PPP1R3A: variants seen among roughly 807,000 people sequenced by gnomAD.
PPP1R3A encodes the protein RG1.
A neutral mutation model predicts 41.7 loss-of-function variants in PPP1R3A; 29 were observed. The ratio of observed to expected loss-of-function variants is 0.70; its 90% CI spans 0.52 to 0.95. The LOEUF (loss-of-function observed/expected upper bound fraction) is 0.95, where lower values mean the gene tolerates loss of function less well. Among genes scored for constraint, PPP1R3A ranks in the 40% least tolerant of loss-of-function variants. The pLI, the probability that PPP1R3A is intolerant of heterozygous loss-of-function variation, is 0.00. For synonymous variants in PPP1R3A, 485 were observed against 453.4 expected (o/e 1.07, Z -0.89); for missense variants, 1,352 against 1,292.4 (o/e 1.05, Z -0.71).
chr7:113,880,084 T>C lies in PPP1R3A; in HGVS notation c.1008A>G (p.Arg336=), dbSNP rs1272301375. ...HLIRTRSTAS[R]DERNTFSTDP... ...CTGTTGAAAATGTATTCCTTTCATC[T>C]CTGGAAGCAGTACTTCTGGTTCTTA... The change falls in exon 4 of 4, where the codon AGA becomes AGG. Residue 336 remains arginine, a synonymous_variant. Coordinates refer to ENST00000284601, the MANE Select transcript of PPP1R3A (RefSeq NM_002711.4). 1 of 1,607,514 alleles carries C rather than the reference T, an allele frequency of 6.2e-7. No individual in the cohort carries two copies. The highest frequency in any genetic ancestry group is 8.5e-7 in the Non-Finnish European group (1 of 1,174,646).
At chr7:113,904,687 G>GAA (rs10708700) in intron 1 of PPP1R3A, among the ~76,000 whole-genome samples, 3 of 150,132 alleles carry the variant, frequency 2.0e-5, no homozygotes, top group African/African-American at 4.9e-5. Flanking sequence ...GAAATACAAA[G>GAA]AAAAAAAAAT....
In PPP1R3A at chr7:113,879,017, G is replaced by A. The variant is rs755389956; in HGVS notation, c.2075C>T (p.Thr692Met). 3 of 1,613,406 alleles carry A rather than the reference G, an allele frequency of 1.9e-6. No individual in the cohort carries two copies. Among genetic ancestry groups the A allele is most frequent in the South Asian group, 2.2e-5 (2 of 91,064 alleles). Residue 692 changes from threonine to methionine, a missense_variant, in exon 4 of 4, where the codon ACG becomes ATG. By Grantham distance (81) the Thr-to-Met change is moderately conservative. Coordinates refer to ENST00000284601, the MANE Select transcript of PPP1R3A (RefSeq NM_002711.4). Reference protein sequence around the residue: ...CEDVWGKRDNTRSLKATTEEL... With the variant: ...CEDVWGKRDNMRSLKATTEEL... Reference sequence around the variant, plus strand: ...TTCTGTAGTAGCTTTCAAACTCCTCGTATTATCTCTTTTTCCCCACACGTC... The same window carrying A: ...TTCTGTAGTAGCTTTCAAACTCCTCATATTATCTCTTTTTCCCCACACGTC...
chr7:113,879,333 T>A lies in PPP1R3A; in HGVS notation c.1759A>T (p.Thr587Ser). Residue 587 changes from threonine (T) to serine (S), a missense_variant, in exon 4 of 4, where the codon ACA (threonine) becomes TCA (serine). Coordinates refer to ENST00000284601, the MANE Select transcript of PPP1R3A (RefSeq NM_002711.4). The stretch of plus-strand genomic sequence containing the variant: ...ACAGCTTCTTCCCAACTTAAATTTG[T>A]CCTTGGTGAATGAGACACATCTGCT... The part of the protein sequence containing the change: ...ITADVSHSPR[T>S]NLSWEEAVLT... The A allele has an allele frequency of 6.2e-7, 1 of 1,613,608 alleles. No homozygotes were observed. The highest frequency in any genetic ancestry group is 2.2e-5 in the East Asian group (1 of 44,830).
In PPP1R3A at chr7:113,876,835, T is replaced by C. The variant is rs953300161; in HGVS notation, c.*888A>G. On this transcript the variant is annotated 3_prime_UTR_variant, in exon 4 of 4. Transcript: ENST00000284601. ...AGACAAAAATACAATGTGGAACAAA[T>C]AGTCCATTTGGAATTTTTATTGTCA... 2 of 152,140 alleles carry C rather than the reference T, an allele frequency of 1.3e-5. No individual in the cohort carries two copies. The highest frequency in any genetic ancestry group is 2.4e-5 in the African/African-American group (1 of 41,434). The allele number at this position is 152,140 out of a possible 1,614,324, so 9.4% of individuals were successfully genotyped here.
At position 113,918,970 on chromosome 7, in the gene PPP1R3A, C is replaced by T. The variant is rs752226995; in HGVS notation, c.27G>A (p.Gln9=). Reference sequence around the variant, plus strand: ...CTTCTAAAAAATTATCTTTGCTAATCTGACTAGGTACTTCAGAAGGCTCCA... The same window carrying T: ...CTTCTAAAAAATTATCTTTGCTAATTTGACTAGGTACTTCAGAAGGCTCCA... MEPSEVPS[Q]ISKDNFLEVP... The change falls in exon 1 of 4, where the codon CAG becomes CAA. Residue 9 remains glutamine, a synonymous_variant. Coordinates refer to ENST00000284601, the MANE Select transcript of PPP1R3A (RefSeq NM_002711.4). The T allele has an allele frequency of 1.9e-6, 3 of 1,612,860 alleles. No homozygotes were observed. In the East Asian group the frequency reaches 6.7e-5, roughly 36 times the overall value.
At chr7:113,915,556 TATATAC>T (rs1254472537) in intron 1 of PPP1R3A, among the ~76,000 whole-genome samples, 4 of 148,826 alleles carry the variant, frequency 2.7e-5, no homozygotes. Context: ...TGTATATACA[TATATAC>T]ATATACATAT....
rs146156944 is a variant in PPP1R3A at position 113,894,631 on chromosome 7, T to C, written c.783-12311A>G. Among the ~76,000 whole-genome samples the C allele has an allele frequency of 4.6e-3, 704 of 152,088 alleles. 4 individuals carry two copies. Among genetic ancestry groups the C allele is most frequent in the African/African-American group, 0.015 (638 of 41,540 alleles). ...TCAGTGTATTGTCATGTGTGTTTTT[T>C]TTCCTAGGGATACTAAATTTCAGGC... On this transcript the variant is annotated intron_variant, in intron 1 of 3. Transcript: ENST00000284601.
At chr7:113,899,159 C>A in intron 1 of PPP1R3A, among the ~76,000 whole-genome samples, 1 of 151,836 alleles carries the variant, frequency 6.6e-6, no homozygotes, top group African/African-American at 2.4e-5. Context: ...CTTAAAAATT[C>A]TCCCTTAAAA....
At chr7:113,892,299 GC>G (rs1416539598) in intron 1 of PPP1R3A, among the ~76,000 whole-genome samples, 3 of 151,976 alleles carry the variant, frequency 2.0e-5, no homozygotes, top group Non-Finnish European at 4.4e-5. Context: ...TATGTCATTG[GC>G]ACTAAGTGGA....
chr7:113,908,280 G>A (rs1268674968), intron 1 of PPP1R3A, among the ~76,000 whole-genome samples: 1 of 151,860 alleles, frequency 6.6e-6, no homozygotes, highest in Non-Finnish European at 1.5e-5. Flanking sequence ...TCATTATATG[G>A]ATTACACACA....
intron 1 of PPP1R3A, among the ~76,000 whole-genome samples, chr7:113,893,930 G>C (rs1231932221): frequency 6.6e-6 from 1 of 151,892 alleles, no homozygotes; most frequent in Non-Finnish European, 1.5e-5. Flanking sequence ...CTCTTCAAAA[G>C]TTTCTTCATT....
At chr7:113,912,898 AC>A (rs1195422138) in intron 1 of PPP1R3A, among the ~76,000 whole-genome samples, 3 of 152,110 alleles carry the variant, frequency 2.0e-5, no homozygotes, top group African/African-American at 7.2e-5. Flanking sequence ...GAAGGAGGAT[AC>A]CCTTTTGTTC....
At chr7:113,881,722 G>A (rs1195958909) in intron 3 of PPP1R3A, among the ~76,000 whole-genome samples, 1 of 151,922 alleles carries the variant, frequency 6.6e-6, no homozygotes, top group East Asian at 1.9e-4. Flanking sequence ...TTTATGCTAA[G>A]TATACACTTG....
Position 113,878,198 on chromosome 7 carries a change from T to A in PPP1R3A, c.2894A>T (p.Lys965Met). ...AGGTTTAGACTCAGGATAAGGGTGC[T>A]TCTCAATACCCTGGATTTCTCTTGT... ...NSTREIQGIE[K>M]HPYPESKPEE... The change falls in exon 4 of 4, where the codon AAG (lysine) becomes ATG (methionine). Residue 965 changes from lysine (K) to methionine (M), a missense_variant. Lys to Met is a moderately conservative substitution (Grantham distance 95). Transcript: ENST00000284601. 6.2e-7 allele frequency: 1 copy of A among 1,613,382 alleles called. No homozygotes were observed. The highest frequency in any genetic ancestry group is 8.5e-7 in the Non-Finnish European group (1 of 1,179,642).
intron 1 of PPP1R3A, among the ~76,000 whole-genome samples, chr7:113,911,088 G>A (rs574753597): frequency 1.7e-4 from 26 of 152,196 alleles, no homozygotes; most frequent in African/African-American, 6.3e-4. Flanking sequence ...ACTTGGTGTG[G>A]AGGGAATTTT....
At chr7:113,899,674 T>C (rs941326930) in intron 1 of PPP1R3A, among the ~76,000 whole-genome samples, 11 of 151,796 alleles carry the variant, frequency 7.2e-5, no homozygotes, top group South Asian at 4.1e-4. Context: ...TTTGTGCACA[T>C]TGGAGTAGTC....
In PPP1R3A at chr7:113,918,779, T is replaced by C; in HGVS notation, c.218A>G (p.Asn73Ser). 1.2e-6 allele frequency: 2 copies of C among 1,613,866 alleles called. No homozygotes were observed. Among genetic ancestry groups the C allele is most frequent in the Non-Finnish European group, 1.7e-6 (2 of 1,179,858 alleles). ...ATCAAATTCTTTAACAGACACAAGA[T>C]TGAATCCAAAGGAATCAGCAAATGA... ...RVSFADSFGFNLVSVKEFDCW... is the reference protein window; with the variant it reads ...RVSFADSFGFSLVSVKEFDCW... The change falls in exon 1 of 4, where the codon AAT becomes AGT. Residue 73 changes from asparagine (N) to serine (S), a missense_variant. By Grantham distance (46) the Asn-to-Ser change is conservative. Transcript: ENST00000284601.
At chr7:113,911,587 T>A (rs967074929) in intron 1 of PPP1R3A, among the ~76,000 whole-genome samples, 1 of 152,094 alleles carries the variant, frequency 6.6e-6, no homozygotes, top group Non-Finnish European at 1.5e-5. Flanking sequence ...AAGAAAAACA[T>A]GTCCTCAGTT....
Position 113,918,241 on chromosome 7 carries a change from T to C in PPP1R3A, c.756A>G (p.Ile252Met), listed in dbSNP as rs1797372446. The change falls in exon 1 of 4, where the codon ATA (isoleucine) becomes ATG (methionine). Residue 252 changes from isoleucine (I) to methionine (M), a missense_variant. Physicochemically the swap from Ile to Met is conservative, Grantham distance 10. Coordinates refer to ENST00000284601, the MANE Select transcript of PPP1R3A (RefSeq NM_002711.4). ...KPWKEVPNRQ[I>M]KGCLKVKSSK... is the part of the protein sequence containing the mutation. ...TTGATTTTACCTTTAAGCAGCCTTTTATTTGTCTGTTAGGAACTTCTTTCC... is the reference window on the plus strand; with the variant it reads ...TTGATTTTACCTTTAAGCAGCCTTTCATTTGTCTGTTAGGAACTTCTTTCC... The C allele has an allele frequency of 6.2e-7, 1 of 1,603,214 alleles. No homozygotes were observed.
Sources: allele counts gnomAD v4.1 joint callset (sites outside exome capture counted in the v4.1 genomes callset), GRCh38; gene constraint gnomAD v4.1.1; transcripts MANE v1.5; gene names NCBI Gene and HGNC (gene_info 2026-07-23, HGNC 2026-07-21).